CHRM5: variants seen among roughly 807,000 people sequenced by gnomAD.
CHRM5 encodes cholinergic receptor muscarinic 5, also known as muscarinic acetylcholine receptor M5.
CHRM5 carries 18 observed loss-of-function variants against 39.0 expected under a neutral mutation model. That is an observed-to-expected ratio of 0.46 (90% CI 0.32 to 0.68). The LOEUF (loss-of-function observed/expected upper bound fraction) is 0.68, where lower values mean the gene tolerates loss of function less well. Among genes scored for constraint, CHRM5 ranks in the 30% least tolerant of loss-of-function variants. The probability of loss-of-function intolerance (pLI) is 0.04; values close to 1 mark genes in which losing one functional copy is unlikely to be tolerated. For missense variants in CHRM5, 515 were observed against 651.1 expected (o/e 0.79, Z 2.28); for synonymous variants, 241 against 246.3 (o/e 0.98, Z 0.20).
At chr15:34,004,632 T>G (rs948570201) in intron 1 of CHRM5, among the ~76,000 whole-genome samples, 2 of 152,202 alleles carry the variant, frequency 1.3e-5, no homozygotes, top group African/African-American at 4.8e-5. Flanking sequence ...ATATAAACAC[T>G]GAACTCTTTA....
chr15:34,020,644 TCA>T (rs1898163565), intron 1 of CHRM5, among the ~76,000 whole-genome samples: 1 of 152,330 alleles, frequency 6.6e-6, no homozygotes, highest in Admixed American at 6.5e-5. Context: ...AGCTGTAACT[TCA>T]TAAAGCTATG....
chr15:34,064,108 T>C lies in CHRM5; in HGVS notation c.1391T>C (p.Val464Ala), dbSNP rs769461692. The change falls in exon 3 of 3, where the codon GTT becomes GCT. Residue 464 changes from valine to alanine, a missense_variant. By Grantham distance (64) the Val-to-Ala change is moderately conservative. Transcript: ENST00000383263. ...TWTPYNIMVL[V>A]STFCDKCVPV... ...ACCCCGTATAACATCATGGTCCTGG[T>C]TTCTACCTTCTGTGACAAGTGTGTC... 3 of 1,614,070 alleles carry C rather than the reference T, an allele frequency of 1.9e-6. No homozygotes were observed. The African/African-American group carries it at 4.0e-5, about 22-fold the overall frequency.
chr15:34,032,650 G>A (rs188033763), intron 1 of CHRM5, among the ~76,000 whole-genome samples: 11 of 152,292 alleles, frequency 7.2e-5, no homozygotes, highest in East Asian at 1.9e-4. Context: ...TTTCCAAGGA[G>A]TATATGAGCA....
chr15:34,031,026 A>C (rs973102340), intron 1 of CHRM5, among the ~76,000 whole-genome samples: 1 of 152,244 alleles, frequency 6.6e-6, no homozygotes, highest in African/African-American at 2.4e-5. Context: ...ATATACATCT[A>C]TTAACAAACT....
At chr15:34,011,517 GAATAAAATGAT>G (rs1897637616) in intron 1 of CHRM5, among the ~76,000 whole-genome samples, 1 of 152,150 alleles carries the variant, frequency 6.6e-6, no homozygotes, top group African/African-American at 2.4e-5. Context: ...TTAAGAATGG[GAATAAAATGAT>G]CCACATGATA....
chr15:34,034,953 C>G (rs1899048677), intron 1 of CHRM5, among the ~76,000 whole-genome samples: 1 of 152,240 alleles, frequency 6.6e-6, no homozygotes, highest in African/African-American at 2.4e-5. Context: ...CTCTCAGTCT[C>G]TAGCTGGCTG....
chr15:34,060,668 G>A (rs1900303906), intron 2 of CHRM5, among the ~76,000 whole-genome samples: 3 of 152,218 alleles, frequency 2.0e-5, no homozygotes, highest in Non-Finnish European at 2.9e-5. Context: ...CTGGGGTCAG[G>A]AGTTCGAGAC....
chr15:34,002,474 C>T (rs532364387), intron 1 of CHRM5, among the ~76,000 whole-genome samples: 7 of 152,256 alleles, frequency 4.6e-5, no homozygotes, highest in African/African-American at 1.7e-4. Context: ...CATCACATCA[C>T]TCAAGGTGCA....
rs550598834 is a variant in CHRM5 at position 33,969,134 on chromosome 15, A to G, written c.-424A>G. ...GCCAGAGTTCAAATTACTGAGCTTCAAACAAACCACTGCCAGGTAAGATTT... is the reference window on the plus strand; with the variant it reads ...GCCAGAGTTCAAATTACTGAGCTTCGAACAAACCACTGCCAGGTAAGATTT... On this transcript the variant is annotated 5_prime_UTR_variant, in exon 1 of 3. Coordinates refer to ENST00000383263, the MANE Select transcript of CHRM5 (RefSeq NM_012125.4). 4 of 152,250 alleles carry G rather than the reference A, an allele frequency of 2.6e-5. No individual in the cohort carries two copies. The highest frequency in any genetic ancestry group is 9.6e-5 in the African/African-American group (4 of 41,580). 9.4% of individuals were successfully genotyped at this position (152,250 alleles called of 1,614,324 possible).
At chr15:34,011,560 A>G (rs1486263446) in intron 1 of CHRM5, among the ~76,000 whole-genome samples, 1 of 152,192 alleles carries the variant, frequency 6.6e-6, no homozygotes, top group Non-Finnish European at 1.5e-5. Flanking sequence ...CTGTTTCTCT[A>G]GCAAAAGAAG....
intron 1 of CHRM5, among the ~76,000 whole-genome samples, chr15:34,026,184 AT>A (rs989807922): frequency 2.1e-4 from 32 of 149,730 alleles, no homozygotes; most frequent in Admixed American, 4.0e-4. Flanking sequence ...ACATATTGTC[AT>A]TTTTTTTTTA....
At chr15:34,050,680 G>A (rs1204594037) in intron 2 of CHRM5, among the ~76,000 whole-genome samples, 2 of 151,906 alleles carry the variant, frequency 1.3e-5, no homozygotes, top group African/African-American at 4.8e-5. Context: ...ATGGAAAACA[G>A]AAAAAAGTAG....
intron 1 of CHRM5, among the ~76,000 whole-genome samples, chr15:34,009,549 T>C (rs1435355061): frequency 6.6e-6 from 1 of 151,774 alleles, no homozygotes; most frequent in African/African-American, 2.4e-5. Context: ...AGCAGTAAAA[T>C]AAAGAAAAAG....
intron 1 of CHRM5, among the ~76,000 whole-genome samples, chr15:34,010,993 A>G (rs1004439788): frequency 1.3e-5 from 2 of 152,172 alleles, no homozygotes; most frequent in Non-Finnish European, 2.9e-5. Context: ...CTCATAAACC[A>G]TCATAATTAA....
chr15:33,984,946 C>G (rs1249384289), intron 1 of CHRM5, among the ~76,000 whole-genome samples: 1 of 152,106 alleles, frequency 6.6e-6, no homozygotes, highest in Non-Finnish European at 1.5e-5. Flanking sequence ...AAGAGATGAA[C>G]CAACCAATAT....
chr15:34,012,916 C>G (rs1897695528), intron 1 of CHRM5, among the ~76,000 whole-genome samples: 1 of 152,150 alleles, frequency 6.6e-6, no homozygotes, highest in African/African-American at 2.4e-5. Flanking sequence ...CCTTTATAAG[C>G]ACAAATTTCC....
intron 1 of CHRM5, among the ~76,000 whole-genome samples, chr15:33,983,003 G>C (rs1421344313): frequency 2.6e-5 from 4 of 151,322 alleles, no homozygotes; most frequent in Non-Finnish European, 5.9e-5. Context: ...TTAACTGCAT[G>C]GACCATGACT....
chr15:34,039,631 G>A (rs1899381082), intron 1 of CHRM5, among the ~76,000 whole-genome samples: 2 of 152,112 alleles, frequency 1.3e-5, no homozygotes, highest in African/African-American at 2.4e-5. Flanking sequence ...GGTGAGAGGT[G>A]GACTGCAGCA....
At chr15:33,994,147 G>C (rs1001798064) in intron 1 of CHRM5, among the ~76,000 whole-genome samples, 1 of 152,228 alleles carries the variant, frequency 6.6e-6, no homozygotes, top group African/African-American at 2.4e-5. Flanking sequence ...TGGTGGGCAA[G>C]TGAGCAGATT....
Sources: allele counts gnomAD v4.1 joint callset (sites outside exome capture counted in the v4.1 genomes callset), GRCh38; gene constraint gnomAD v4.1.1; transcripts MANE v1.5; gene names NCBI Gene and HGNC (gene_info 2026-07-23, HGNC 2026-07-21).